Variants in KIAA1549L observed in about 807,000 individuals in gnomAD.
KIAA1549L encodes the protein KIAA1549 like.
In KIAA1549L, 88 loss-of-function variants were observed where a neutral mutation model predicts 160.7. That is an observed-to-expected ratio of 0.55 (90% CI 0.46 to 0.65). The LOEUF is 0.65. Ranked by LOEUF, KIAA1549L falls within the 30% of genes least tolerant of loss-of-function variation. The pLI is 0.00. For missense variants in KIAA1549L, 2,258 were observed against 2,437.5 expected (o/e 0.93, Z 1.55); for synonymous variants, 950 against 976.7 (o/e 0.97, Z 0.51).
chr11:33,575,174 G>A (rs1855403940), intron 10 of KIAA1549L, among the ~76,000 whole-genome samples: 1 of 152,172 alleles, frequency 6.6e-6, no homozygotes, highest in African/African-American at 2.4e-5. Flanking sequence ...TGTATGCCAG[G>A]GGAATTAAAG....
At chr11:33,410,124 C>G (rs1040609907) in intron 1 of KIAA1549L, among the ~76,000 whole-genome samples, 2 of 152,036 alleles carry the variant, frequency 1.3e-5, no homozygotes, top group African/African-American at 2.4e-5. Flanking sequence ...TCACTGAGAC[C>G]AAACCCTTCA....
chr11:33,398,727 T>C (rs959043078), intron 1 of KIAA1549L, among the ~76,000 whole-genome samples: 15 of 152,232 alleles, frequency 9.9e-5, no homozygotes, highest in Admixed American at 8.5e-4. Context: ...GATTGATATC[T>C]TTCCTTTCAT....
chr11:33,460,306 G>T (rs1043281513), intron 1 of KIAA1549L, among the ~76,000 whole-genome samples: 1 of 152,068 alleles, frequency 6.6e-6, no homozygotes, highest in South Asian at 2.1e-4. Context: ...TGTGGTGGGG[G>T]CCAGGAGAGG....
At position 33,561,640 on chromosome 11, in the gene KIAA1549L, A is replaced by G. The variant is rs781440143; in HGVS notation, c.4019-36A>G. 8 of 1,474,328 alleles carry G rather than the reference A, an allele frequency of 5.4e-6. No homozygotes were observed. In the East Asian group the frequency reaches 1.8e-4, roughly 33 times the overall value. The allele number at this position is 1,474,328 out of a possible 1,614,324, so 91.3% of individuals were successfully genotyped here. ...AAATGAAACGAAACAAATCAAACCTATAAAAGTAATTGGGTATGTTTCTTA... is the reference window on the plus strand; with the variant it reads ...AAATGAAACGAAACAAATCAAACCTGTAAAAGTAATTGGGTATGTTTCTTA... On this transcript the variant is annotated intron_variant, in intron 7 of 20. Coordinates refer to ENST00000658780, the MANE Select transcript of KIAA1549L (RefSeq NM_012194.3).
intron 11 of KIAA1549L, among the ~76,000 whole-genome samples, chr11:33,590,551 A>G (rs913096638): frequency 1.3e-5 from 2 of 152,220 alleles, no homozygotes; most frequent in African/African-American, 4.8e-5. Flanking sequence ...AAACTTTGCC[A>G]GTTTCCCAGG....
rs1167682859 is a variant in KIAA1549L at position 33,626,236 on chromosome 11, A to G, written c.5409+7574A>G. Among the ~76,000 whole-genome samples the G allele has an allele frequency of 2.4e-3, 334 of 137,000 alleles. 2 individuals carry two copies. Among genetic ancestry groups the G allele is most frequent in the African/African-American group, 7.4e-3 (247 of 33,422 alleles). The allele number at this position is 137,000 out of a possible 152,430, so 89.9% of individuals were successfully genotyped here. A position where few individuals can be genotyped will look rare whatever the true frequency, so the allele number is the denominator to read the frequency against. On this transcript the variant is annotated intron_variant, in intron 16 of 20. Coordinates refer to ENST00000658780, the MANE Select transcript of KIAA1549L (RefSeq NM_012194.3). ...TCTTTTGGCTTAGGATTGACTTGGC[A>G]ATGCGGGCTCTTTTTTGGTTCCATA...
intron 1 of KIAA1549L, among the ~76,000 whole-genome samples, chr11:33,435,908 A>G (rs1488650440): frequency 7.0e-6 from 1 of 142,172 alleles, no homozygotes; most frequent in African/African-American, 2.6e-5. Context: ...TTGGTCATCA[A>G]CTTCCATGGG....
At chr11:33,435,169 T>C (rs1384644202) in intron 1 of KIAA1549L, among the ~76,000 whole-genome samples, 1 of 152,250 alleles carries the variant, frequency 6.6e-6, no homozygotes, top group Non-Finnish European at 1.5e-5. Context: ...CACAGAATGA[T>C]GTGTGCCCTT....
At chr11:33,379,601 G>A (rs1850031829) in intron 1 of KIAA1549L, among the ~76,000 whole-genome samples, 1 of 152,172 alleles carries the variant, frequency 6.6e-6, no homozygotes, top group Non-Finnish European at 1.5e-5. Flanking sequence ...TTCAGTTCAT[G>A]TCAGTAAACA....
intron 10 of KIAA1549L, among the ~76,000 whole-genome samples, chr11:33,578,787 C>T (rs142222980): frequency 3.4e-4 from 52 of 152,316 alleles, no homozygotes; most frequent in Non-Finnish European, 6.0e-4. Context: ...CCTTCCTTGG[C>T]GCCTGAGGCA....
chr11:33,463,915 C>T (rs531948976), intron 1 of KIAA1549L, among the ~76,000 whole-genome samples: 11 of 152,328 alleles, frequency 7.2e-5, no homozygotes, highest in Non-Finnish European at 1.0e-4. Flanking sequence ...TTCCCTCGTG[C>T]TGTATTTCTG....
At chr11:33,651,129 T>G (rs931062498) in intron 17 of KIAA1549L, among the ~76,000 whole-genome samples, 3 of 152,104 alleles carry the variant, frequency 2.0e-5, no homozygotes, top group African/African-American at 7.2e-5. Flanking sequence ...TCAAACTGAG[T>G]ATTTTAGGAC....
chr11:33,517,219 T>C (rs767078733), intron 1 of KIAA1549L, among the ~76,000 whole-genome samples: 2 of 152,194 alleles, frequency 1.3e-5, no homozygotes, highest in Non-Finnish European at 2.9e-5. Flanking sequence ...TTCCCCAAGA[T>C]AGATGGGTTC....
chr11:33,531,949 A>C (rs1321837781), intron 1 of KIAA1549L, among the ~76,000 whole-genome samples: 1 of 152,118 alleles, frequency 6.6e-6, no homozygotes, highest in Non-Finnish European at 1.5e-5. Context: ...AACTCTGAAG[A>C]ATGAGGCAGC....
At chr11:33,606,456 A>T (rs578184955) in intron 13 of KIAA1549L, among the ~76,000 whole-genome samples, 185 bp from the exon 14 acceptor site, 6 of 152,344 alleles carry the variant, frequency 3.9e-5, no homozygotes, top group African/African-American at 1.4e-4. Flanking sequence ...GATAAATCAT[A>T]CAGATCTTAA....
rs183458242 is a variant in KIAA1549L at position 33,545,260 on chromosome 11, A to C, written c.3267A>C (p.Pro1089=). 2.0e-4 allele frequency: 326 copies of C among 1,613,998 alleles called. 1 individual carries two copies. In the African/African-American group the frequency reaches 3.9e-3, roughly 20 times the overall value. The change falls in exon 3 of 21, where the codon CCA becomes CCC. Residue 1089 remains proline, a synonymous_variant. Transcript: ENST00000658780. The stretch of plus-strand genomic sequence containing the variant: ...CAGTGAAGGCCACCCGGTTGCCACC[A>C]TTGCGAGCAGAAAACACAGATGCTG... The part of the protein sequence containing the change: ...TASVKATRLP[P]LRAENTDAVL...
In KIAA1549L at chr11:33,547,838, G is replaced by A. The variant is rs1854317236; in HGVS notation, c.3460G>A (p.Ala1154Thr). ...CAGTATCGCCAAAGGGCTCACACAG[G>A]CATTGCGGAAGGCTTTCCACCAGAA... ...KFSIAKGLTQALRKAFHQNDV... is the reference protein window; with the variant it reads ...KFSIAKGLTQTLRKAFHQNDV... Residue 1154 changes from alanine (A) to threonine (T), a missense_variant, in exon 4 of 21, where the codon GCA becomes ACA. Transcript: ENST00000658780. The A allele has an allele frequency of 5.6e-6, 9 of 1,613,448 alleles. No individual in the cohort carries two copies. The highest frequency in any genetic ancestry group is 2.7e-5 in the African/African-American group (2 of 74,936).
At chr11:33,447,896 C>T (rs889392392) in intron 1 of KIAA1549L, among the ~76,000 whole-genome samples, 6 of 151,946 alleles carry the variant, frequency 3.9e-5, no homozygotes, top group African/African-American at 7.3e-5. Flanking sequence ...GAAGATGCTG[C>T]GAGAACTTGA....
intron 1 of KIAA1549L, among the ~76,000 whole-genome samples, chr11:33,424,285 C>G (rs1381489542): frequency 2.0e-5 from 3 of 152,044 alleles, no homozygotes; most frequent in African/African-American, 4.8e-5. Context: ...GAAAGTTGGC[C>G]AAAGCTTTAG....
Sources: gnomAD v4.1 joint callset for allele counts (sites outside exome capture counted in the v4.1 genomes callset) on GRCh38, gnomAD v4.1.1 for gene constraint, MANE v1.5 for transcripts, NCBI Gene and HGNC (gene_info 2026-07-23, HGNC 2026-07-21) for gene names.